Variants in DNMT1 observed in about 807,000 individuals in gnomAD.
The protein encoded by DNMT1 is DNA (cytosine-5)-methyltransferase 1.
Under a neutral mutation model 205.3 loss-of-function variants are expected in DNMT1, and 24 were observed. The ratio of observed to expected loss-of-function variants is 0.12; its 90% CI spans 0.08 to 0.16. The LOEUF is 0.16. Ranked by LOEUF, DNMT1 falls within the 10% of genes least tolerant of loss-of-function variation. DNMT1 has a pLI of 1.00. For synonymous variants in DNMT1, 817 were observed against 839.8 expected (o/e 0.97, Z 0.47); for missense variants, 1,293 against 2,177.7 (o/e 0.59, Z 8.09).
chr19:10,186,480 AC>A (rs1226562329), intron 1 of DNMT1, among the ~76,000 whole-genome samples: 1 of 151,986 alleles, frequency 6.6e-6, no homozygotes, highest in Non-Finnish European at 1.5e-5. Context: ...CCAGCCTGAG[AC>A]CCTATGATTC....
rs903229228 is a variant in DNMT1, at chr19:10,160,195, C to T, written c.1044-132G>A. ...ACCGGCTGTGGCAGTGAGGCCCAGG[C>T]GCGTGGTCACAGTGGCTCTTCACCG... On this transcript the variant is annotated intron_variant, in intron 14 of 40. Coordinates refer to ENST00000359526, the MANE Select transcript of DNMT1 (RefSeq NM_001130823.3). The T allele has an allele frequency of 6.4e-6, 10 of 1,551,794 alleles. No homozygotes were observed. In the South Asian group the frequency reaches 1.0e-4, roughly 16 times the overall value.
chr19:10,175,367 T>C (rs1253592824), intron 7 of DNMT1, among the ~76,000 whole-genome samples, 173 bp downstream of exon 7: 1 of 152,198 alleles, frequency 6.6e-6, no homozygotes, highest in African/African-American at 2.4e-5. Flanking sequence ...TATGTATATA[T>C]GTACCTATAG....
intron 28 of DNMT1, 58 bp from the exon 29 acceptor site, chr19:10,144,045 G>C: frequency 6.7e-7 from 1 of 1,503,624 alleles, no homozygotes; most frequent in Non-Finnish European, 9.2e-7. Context: ...TGGTCAGTCA[G>C]GCATGACTGA....
rs910412179 is a variant in DNMT1 at position 10,146,451 on chromosome 19, C to T, written c.2794G>A (p.Asp932Asn). ...EIPRVLEQLE[D>N]LDSRVLYYSA... ...TAGTAGAGGACCCGGCTATCCAGGTCCTCGAGCTGCTCCAGGACCCTGGGG... is the reference window on the plus strand; with the variant it reads ...TAGTAGAGGACCCGGCTATCCAGGTTCTCGAGCTGCTCCAGGACCCTGGGG... Residue 932 changes from aspartate to asparagine, a missense_variant, in exon 28 of 41, where the codon GAC (aspartate) becomes AAC (asparagine). By Grantham distance (23) the Asp-to-Asn change is conservative (BLOSUM62 1). Transcript: ENST00000359526. The surrounding 1 kb of genome is among the most constrained non-coding windows in gnomAD (Gnocchi z 4.4). The T allele has an allele frequency of 1.2e-6, 2 of 1,614,116 alleles. No individual in the cohort carries two copies. The highest frequency in any genetic ancestry group is 1.7e-6 in the Non-Finnish European group (2 of 1,180,024).
chr19:10,149,957 C>T lies in DNMT1; in HGVS notation c.2277G>A (p.Lys759=), dbSNP rs775680590. 3.1e-6 allele frequency: 5 copies of T among 1,614,190 alleles called. No homozygotes were observed. In the Admixed American group the frequency reaches 8.3e-5, roughly 27 times the overall value. The change falls in exon 25 of 41, where the codon AAG becomes AAA. Residue 759 remains lysine (K), a synonymous_variant. Coordinates refer to ENST00000359526, the MANE Select transcript of DNMT1 (RefSeq NM_001130823.3). ...TGCACACCTTCTTATAGTAACTCTT[C>T]TTCCCATCAGTCTGAAAATGAGAGC... ...WVGEAVKTDG[K]KSYYKKVCID...
At chr19:10,149,412 C>T (rs748083932) in intron 26 of DNMT1, 41 bp downstream of exon 26, 3 of 1,607,398 alleles carry the variant, frequency 1.9e-6, no homozygotes, top group Non-Finnish European at 2.6e-6. Context: ...AGTGACCCTC[C>T]ACGATAAGGC....
rs768760510 is a variant in DNMT1 at position 10,194,774 on chromosome 19, G to T, written c.80+46C>A. On this transcript the variant is annotated intron_variant, in intron 1 of 40. Coordinates refer to ENST00000359526, the MANE Select transcript of DNMT1 (RefSeq NM_001130823.3). Reference sequence around the variant, plus strand: ...GAGGGGAAGCGACCCCCCACCCAGCGCCCTGCCTGTCCCCCTGAGTCCGTG... The same window carrying T: ...GAGGGGAAGCGACCCCCCACCCAGCTCCCTGCCTGTCCCCCTGAGTCCGTG... 3 of 1,571,900 alleles carry T rather than the reference G, an allele frequency of 1.9e-6. No homozygotes were observed. The African/African-American group carries it at 4.2e-5, about 22-fold the overall frequency.
At chr19:10,155,523 A>G (rs2038438838) in intron 19 of DNMT1, among the ~76,000 whole-genome samples, 1 of 152,022 alleles carries the variant, frequency 6.6e-6, no homozygotes, top group Admixed American at 6.6e-5. Context: ...TTTTTGGTAG[A>G]GAGGGGGTTT....
At chr19:10,163,899 T>C (rs2038631980) in intron 11 of DNMT1, among the ~76,000 whole-genome samples, 1 of 151,994 alleles carries the variant, frequency 6.6e-6, no homozygotes, top group Admixed American at 6.6e-5. Context: ...TATATATATA[T>C]ATGACACAGG....
intron 10 of DNMT1, 69 bp from the exon 11 acceptor site, chr19:10,166,754 T>A: frequency 6.5e-7 from 1 of 1,537,776 alleles, no homozygotes. Context: ...GGCCAACAGC[T>A]CCTAAGGGCT....
chr19:10,162,964 C>CTTTTT (rs397859775), intron 12 of DNMT1: 4 of 353,132 alleles, frequency 1.1e-5, no homozygotes, highest in East Asian at 5.4e-5. Context: ...CTAGAACAGG[C>CTTTTT]TTTTTTTTTT....
rs371376513 is a variant in DNMT1, at chr19:10,139,831, G to A, written c.3807-14C>T. 6.2e-4 allele frequency: 972 copies of A among 1,568,620 alleles called. No individual in the cohort carries two copies. Among genetic ancestry groups the A allele is most frequent in the Non-Finnish European group, 7.9e-4 (913 of 1,156,556 alleles). On this transcript the variant is annotated splice_polypyrimidine_tract_variant and intron_variant, in intron 33 of 40. Transcript: ENST00000359526. ...TAGTCGCAGTAGCTGTAGGGGGCAG[G>A]AGAGACTGCAGGAGTCACCTCCACA... is the stretch of plus-strand genomic sequence containing the variant.
At chr19:10,179,917 G>C (rs2039010346) in intron 5 of DNMT1, 1 of 179,558 alleles carries the variant, frequency 5.6e-6, no homozygotes, top group South Asian at 1.2e-4. Flanking sequence ...TTGAAACTGG[G>C]AGGCGGAGGT....
At chr19:10,188,970 G>GT (rs2039248419) in intron 1 of DNMT1, among the ~76,000 whole-genome samples, 1 of 152,290 alleles carries the variant, frequency 6.6e-6, no homozygotes, top group Non-Finnish European at 1.5e-5. Flanking sequence ...AGAAAGGAAT[G>GT]CAGCCTGCTT....
chr19:10,146,980 C>G lies in DNMT1; in HGVS notation c.2721-456G>C, dbSNP rs545270182. The stretch of plus-strand genomic sequence containing the variant: ...TGGCCTTAAAAATAGAGATCAAGGC[C>G]CAGCATGGTGGCTCATGTCTGTAAT... On this transcript the variant is annotated intron_variant, in intron 27 of 40. Coordinates refer to ENST00000359526, the MANE Select transcript of DNMT1 (RefSeq NM_001130823.3). This position sits in a 1 kb window ranked among gnomAD's most constrained non-coding sequence, Gnocchi z 4.4. Among the ~76,000 whole-genome samples, 4 of 152,196 alleles carry G rather than the reference C, an allele frequency of 2.6e-5. No individual in the cohort carries two copies. In the East Asian group the frequency reaches 7.7e-4, roughly 29 times the overall value.
intron 9 of DNMT1, among the ~76,000 whole-genome samples, chr19:10,169,418 G>A (rs28398225): frequency 0.014 from 2,169 of 150,638 alleles, 66 homozygotes; most frequent in African/African-American, 0.051. Flanking sequence ...TTAGCCGGGC[G>A]TGTTGGCGGG....
intron 11 of DNMT1, among the ~76,000 whole-genome samples, chr19:10,164,648 C>A (rs751697514): frequency 6.6e-6 from 1 of 151,836 alleles, no homozygotes; most frequent in Non-Finnish European, 1.5e-5. Context: ...AACAAACACG[C>A]CGGGCGTGGT....
intron 10 of DNMT1, among the ~76,000 whole-genome samples, chr19:10,167,342 T>C (rs2038719115): frequency 6.6e-6 from 1 of 151,958 alleles, no homozygotes. Context: ...ACCACAGGCA[T>C]GCACCACCAC....
Position 10,194,808 on chromosome 19 carries a change from C to A in DNMT1, c.80+12G>T. 3.7e-6 allele frequency: 6 copies of A among 1,611,712 alleles called. No individual in the cohort carries two copies. In the South Asian group the frequency reaches 5.5e-5, roughly 15 times the overall value. On this transcript the variant is annotated intron_variant, in intron 1 of 40. Coordinates refer to ENST00000359526, the MANE Select transcript of DNMT1 (RefSeq NM_001130823.3). ...GTCCCCCTGAGTCCGTGTTCCCCCC[C>A]ATGGTACCTACCGCCTGCGGACATC...
Sources: gnomAD v4.1 joint callset for allele counts (sites outside exome capture counted in the v4.1 genomes callset) on GRCh38, gnomAD v4.1.1 for gene constraint, Gnocchi (gnomAD v3.1) non-coding constraint, MANE v1.5 for transcripts, NCBI Gene and HGNC (gene_info 2026-07-23, HGNC 2026-07-21) for gene names.